The following WDFY4 variants were observed in gnomAD, a reference collection of about 807,000 sequenced individuals.
WDFY4 encodes WDFY family member 4.
WDFY4 carries 169 observed loss-of-function variants against 351.9 expected under a neutral mutation model. The ratio of observed to expected loss-of-function variants is 0.48; its 90% CI spans 0.42 to 0.55. The LOEUF (loss-of-function observed/expected upper bound fraction) is 0.55, where lower values mean the gene tolerates loss of function less well. WDFY4 is among the 20% of genes least tolerant of loss of function. WDFY4 has a pLI of 0.00. For missense variants in WDFY4, 3,803 were observed against 3,935.6 expected, an observed-to-expected ratio of 0.97 and a Z score of 0.90; for synonymous variants, 1,622 against 1,574.6, an observed-to-expected ratio of 1.03 and a Z score of -0.71.
chr10:48,949,986 G>A (rs1420433086), intron 51 of WDFY4, among the ~76,000 whole-genome samples: 1 of 152,160 alleles, frequency 6.6e-6, no homozygotes, highest in Non-Finnish European at 1.5e-5. Flanking sequence ...CCTGGATGGT[G>A]CTAAGTACCT....
chr10:48,828,948 G>A, intron 37 of WDFY4, 52 bp downstream of exon 37: 1 of 412,348 alleles, frequency 2.4e-6, no homozygotes, highest in Non-Finnish European at 4.3e-6. Flanking sequence ...CGGGGAGGGG[G>A]TGGTGGCAGG....
In WDFY4 at chr10:48,811,485, T is replaced by G. The variant is rs2067444764; in HGVS notation, c.5045-54T>G. 2.0e-6 allele frequency: 3 copies of G among 1,521,776 alleles called. No individual in the cohort carries two copies. The Admixed American group carries it at 6.0e-5, about 30-fold the overall frequency. 94.3% of individuals were successfully genotyped at this position (1,521,776 alleles called of 1,614,324 possible). ...TTCCTTTGTGTGTCCAGGCCCCACC[T>G]TGACCAGCAGCTGTTCTCAGCTGAC... On this transcript the variant is annotated intron_variant, in intron 29 of 61. Coordinates refer to ENST00000325239, the MANE Select transcript of WDFY4 (RefSeq NM_001394531.1).
Position 48,857,794 on chromosome 10 carries a change from A to AT in WDFY4, c.6664-9462dup, listed in dbSNP as rs956906848. ...GATATTTTTTGTTTTTTACTTGTTG[A>AT]TTTTTTTTTCTTTTTTTGATGGAGT... On this transcript the variant is annotated intron_variant, in intron 39 of 61. Coordinates refer to ENST00000325239, the MANE Select transcript of WDFY4 (RefSeq NM_001394531.1). Among the ~76,000 whole-genome samples, 246 of 150,090 alleles carry AT rather than the reference A, an allele frequency of 1.6e-3. 1 individual carries two copies. Among genetic ancestry groups the AT allele is most frequent in the African/African-American group, 5.5e-3 (223 of 40,862 alleles).
chr10:48,779,556 A>G (rs1315513631), intron 18 of WDFY4, among the ~76,000 whole-genome samples: 1 of 152,152 alleles, frequency 6.6e-6, no homozygotes, highest in South Asian at 2.1e-4. Context: ...TCGGCCTACA[A>G]TGGAGTCTCT....
At chr10:48,787,810 T>TCCTCC (rs1565197560) in intron 20 of WDFY4, among the ~76,000 whole-genome samples, 14 of 45,100 alleles carry the variant, frequency 3.1e-4, no homozygotes, top group South Asian at 8.2e-4. Context: ...CCTCCTCCTC[T>TCCTCC]TCTTCTTCTT....
chr10:48,887,221 G>A lies in WDFY4; in HGVS notation c.7168-3358G>A, dbSNP rs112341491. On this transcript the variant is annotated intron_variant, in intron 43 of 61. Coordinates refer to ENST00000325239, the MANE Select transcript of WDFY4 (RefSeq NM_001394531.1). The stretch of plus-strand genomic sequence containing the variant: ...GCTGTGGTGGGGGCCTGGTGTCACA[G>A]GGAGGAGAGAGGGTTTGGAGGCACA... Among the ~76,000 whole-genome samples, 4 of 152,366 alleles carry A rather than the reference G, an allele frequency of 2.6e-5. No individual in the cohort carries two copies. The East Asian group carries it at 5.8e-4, about 22-fold the overall frequency.
chr10:48,908,999 A>G (rs1361891162), intron 47 of WDFY4, among the ~76,000 whole-genome samples: 1 of 151,092 alleles, frequency 6.6e-6, no homozygotes, highest in African/African-American at 2.4e-5. Context: ...AGACTGTTCT[A>G]TACATGGAAT....
At chr10:48,824,595 T>C (rs1251542672) in intron 35 of WDFY4, among the ~76,000 whole-genome samples, 1 of 152,212 alleles carries the variant, frequency 6.6e-6, no homozygotes, top group Non-Finnish European at 1.5e-5. Context: ...AAATAGAGGC[T>C]TGAAAGTAGA....
intron 47 of WDFY4, among the ~76,000 whole-genome samples, chr10:48,914,557 G>A (rs1838329594): frequency 1.3e-5 from 2 of 152,192 alleles, no homozygotes; most frequent in Admixed American, 6.5e-5. Context: ...AGCCATGTGT[G>A]TGTGTTCTTG....
rs1842666685 is a variant in WDFY4, at chr10:48,978,388, C to T, written c.9371C>T (p.Pro3124Leu). The T allele has an allele frequency of 6.4e-7, 1 of 1,550,546 alleles. No individual in the cohort carries two copies. Among genetic ancestry groups the T allele is most frequent in the Non-Finnish European group, 8.7e-7 (1 of 1,146,562 alleles). ...GAGCCCCCGGCTCAGCCTCCAAGCC[C>T]AAGAGGTACCTGACCTGCTAGGGAT... Reference protein sequence around the residue: ...GEEPPAQPPSPRGHKWEKNLA... With the variant: ...GEEPPAQPPSLRGHKWEKNLA... Residue 3124 changes from proline (P) to leucine (L), a missense_variant, in exon 60 of 62, where the codon CCA becomes CTA. Pro to Leu is a moderately conservative substitution (Grantham distance 98). Coordinates refer to ENST00000325239, the MANE Select transcript of WDFY4 (RefSeq NM_001394531.1).
rs1411059772 is a variant in WDFY4, at chr10:48,736,049, GCTGAAA to G, written c.1861_1866del (p.Lys621_Leu622del). ...GCTCATCCACTCAAGGGGAGCTGCA[GCTGAAA>G]CTGGATCTCCTGAAGGTGATTTCAA... On this transcript the variant is annotated inframe_deletion, in exon 11 of 62. Coordinates refer to ENST00000325239, the MANE Select transcript of WDFY4 (RefSeq NM_001394531.1). 1 of 1,551,702 alleles carries G rather than the reference GCTGAAA, an allele frequency of 6.4e-7. No homozygotes were observed. Among genetic ancestry groups the G allele is most frequent in the Non-Finnish European group, 8.7e-7 (1 of 1,147,018 alleles).
At chr10:48,715,473 C>T (rs985832388) in intron 2 of WDFY4, among the ~76,000 whole-genome samples, 1 of 152,170 alleles carries the variant, frequency 6.6e-6, no homozygotes, top group Non-Finnish European at 1.5e-5. Flanking sequence ...CATATGTGCA[C>T]ATTCCTAGGC....
chr10:48,886,444 G>C (rs1035770585), intron 43 of WDFY4, among the ~76,000 whole-genome samples: 2 of 152,194 alleles, frequency 1.3e-5, no homozygotes, highest in African/African-American at 4.8e-5. Context: ...TAGGCCATGA[G>C]AGCATGACCC....
intron 1 of WDFY4, among the ~76,000 whole-genome samples, chr10:48,700,202 A>C (rs1403392591): frequency 3.3e-5 from 5 of 152,180 alleles, no homozygotes; most frequent in Non-Finnish European, 7.3e-5. Context: ...TCCTTCAATC[A>C]GCTCTTTCCC....
At position 48,698,251 on chromosome 10, in the gene WDFY4, G is replaced by A. The variant is rs962477416; in HGVS notation, c.-17-11465G>A. On this transcript the variant is annotated intron_variant, in intron 1 of 61. Transcript: ENST00000325239. ...CCAGGTTCCAATTTTGCCTGCCCACGATGTCTGTCTTCTAGCGTGGGAGAT... is the reference window on the plus strand; with the variant it reads ...CCAGGTTCCAATTTTGCCTGCCCACAATGTCTGTCTTCTAGCGTGGGAGAT... Among the ~76,000 whole-genome samples, 14 of 152,296 alleles carry A rather than the reference G, an allele frequency of 9.2e-5. No homozygotes were observed. In the East Asian group the frequency reaches 1.5e-3, roughly 17 times the overall value.
intron 20 of WDFY4, among the ~76,000 whole-genome samples, chr10:48,787,797 C>T (rs1454491024): frequency 2.2e-5 from 2 of 89,058 alleles, no homozygotes; most frequent in Non-Finnish European, 4.2e-5. Flanking sequence ...TCCTCCTCCT[C>T]CTCCTCCTCC....
intron 41 of WDFY4, among the ~76,000 whole-genome samples, chr10:48,874,832 C>A (rs182242250): frequency 2.0e-5 from 3 of 152,276 alleles, no homozygotes; most frequent in Admixed American, 2.0e-4. Flanking sequence ...CCATCTGGGC[C>A]TCTTCTTTGG....
Position 48,976,988 on chromosome 10 carries a change from G to T in WDFY4, c.9291+9G>T, listed in dbSNP as rs1256844367. 2 of 1,392,508 alleles carry T rather than the reference G, an allele frequency of 1.4e-6. No homozygotes were observed. The highest frequency in any genetic ancestry group is 6.0e-5 in the Admixed American group (2 of 33,058). The allele number at this position is 1,392,508 out of a possible 1,614,324, so 86.3% of individuals were successfully genotyped here. A position where few individuals can be genotyped will look rare whatever the true frequency, so the allele number is the denominator to read the frequency against. On this transcript the variant is annotated intron_variant, in intron 59 of 61. Transcript: ENST00000325239. The stretch of plus-strand genomic sequence containing the variant: ...AAGACGGCATGGTCCGGGTAGGTGT[G>T]TCTTGGGCAGAATGAGGACATGACA...
At position 48,981,581 on chromosome 10, in the gene WDFY4, C is replaced by T. The variant is rs572775761; in HGVS notation, c.9488+103C>T. Reference sequence around the variant, plus strand: ...GTCCAGGCCACCTGGCCGAGGAGGCCACTTCACTCCAGGACATGGCCCCAC... The same window carrying T: ...GTCCAGGCCACCTGGCCGAGGAGGCTACTTCACTCCAGGACATGGCCCCAC... On this transcript the variant is annotated intron_variant, in intron 61 of 61. Transcript: ENST00000325239. 2.2e-5 allele frequency: 23 copies of T among 1,044,978 alleles called. No homozygotes were observed. The South Asian group carries it at 3.4e-4, about 16-fold the overall frequency. 64.7% of individuals were successfully genotyped at this position (1,044,978 alleles called of 1,614,324 possible).
Sources: allele counts gnomAD v4.1 joint callset (sites outside exome capture counted in the v4.1 genomes callset), GRCh38; gene constraint gnomAD v4.1.1; transcripts MANE v1.5; gene names NCBI Gene and HGNC (gene_info 2026-07-23, HGNC 2026-07-21).